Variants in RFX3 observed in about 807,000 individuals in gnomAD.
RFX3 encodes transcription factor RFX3.
Under a neutral mutation model 98.6 loss-of-function variants are expected in RFX3, and 14 were observed. The observed-to-expected ratio is 0.14, with a 90% CI of 0.09 to 0.22. The LOEUF (loss-of-function observed/expected upper bound fraction) is 0.22, where lower values mean the gene tolerates loss of function less well. Among genes scored for constraint, RFX3 ranks in the 10% least tolerant of loss-of-function variants. The probability of loss-of-function intolerance (pLI) is 1.00; values close to 1 mark genes in which losing one functional copy is unlikely to be tolerated. For synonymous variants in RFX3, 383 were observed against 328.4 expected, an observed-to-expected ratio of 1.17 and a Z score of -1.80; for missense variants, 639 against 926.9, an observed-to-expected ratio of 0.69 and a Z score of 4.03.
chr9:3,274,592 C>T (rs1471519110), intron 9 of RFX3, among the ~76,000 whole-genome samples: 2 of 151,970 alleles, frequency 1.3e-5, no homozygotes, highest in Non-Finnish European at 2.9e-5. Context: ...CAAAAGGAAC[C>T]CTAATTAACC....
At chr9:3,340,440 A>G (rs1278742702) in intron 3 of RFX3, among the ~76,000 whole-genome samples, 1 of 152,232 alleles carries the variant, frequency 6.6e-6, no homozygotes. Context: ...GCACAGCAAA[A>G]GAAACTACCA....
intron 15 of RFX3, among the ~76,000 whole-genome samples, chr9:3,246,167 C>A (rs1820638255): frequency 6.6e-6 from 1 of 151,990 alleles, no homozygotes; most frequent in South Asian, 2.1e-4. Flanking sequence ...TTCCTATAAA[C>A]TGAGTAAGCA....
intron 3 of RFX3, among the ~76,000 whole-genome samples, chr9:3,332,120 T>G (rs1832669485): frequency 1.3e-5 from 2 of 152,202 alleles, no homozygotes; most frequent in Non-Finnish European, 2.9e-5. Context: ...CCAATTCTCT[T>G]TTCCATTATC....
At chr9:3,498,453 G>A (rs904698716) in intron 1 of RFX3, among the ~76,000 whole-genome samples, 2 of 151,796 alleles carry the variant, frequency 1.3e-5, no homozygotes, top group South Asian at 4.2e-4. Context: ...TGAAACAGAG[G>A]GCCACAGCAA....
intron 3 of RFX3, among the ~76,000 whole-genome samples, chr9:3,345,623 C>A (rs2991321): frequency 0.32 from 48,858 of 151,966 alleles, 11,573 homozygotes; most frequent in African/African-American, 0.67. Context: ...TTCTCCTTCC[C>A]CTTCCATGGT....
chr9:3,425,125 C>A (rs1169721535), intron 1 of RFX3, among the ~76,000 whole-genome samples: 1 of 152,174 alleles, frequency 6.6e-6, no homozygotes, highest in Non-Finnish European at 1.5e-5. Flanking sequence ...GTGGTCCCAG[C>A]TACTTGGGAG....
chr9:3,306,612 AG>A (rs1829348388), intron 4 of RFX3, among the ~76,000 whole-genome samples: 1 of 48,564 alleles, frequency 2.1e-5, no homozygotes. Flanking sequence ...GGGTGGGGGG[AG>A]GGGGGAGGGA....
chr9:3,385,888 T>TG (rs1839664961), intron 2 of RFX3, among the ~76,000 whole-genome samples: 1 of 152,104 alleles, frequency 6.6e-6, no homozygotes, highest in African/African-American at 2.4e-5. Context: ...CCTATCACAA[T>TG]GCCACACTTG....
intron 7 of RFX3, among the ~76,000 whole-genome samples, chr9:3,280,274 A>G (rs931341586): frequency 6.6e-5 from 10 of 151,848 alleles, no homozygotes; most frequent in Admixed American, 1.3e-4. Flanking sequence ...TCAAGATGGT[A>G]ATATGGAATA....
chr9:3,464,427 T>A (rs976064439), intron 1 of RFX3, among the ~76,000 whole-genome samples: 1 of 152,182 alleles, frequency 6.6e-6, no homozygotes, highest in Non-Finnish European at 1.5e-5. Context: ...AATTGCGGTA[T>A]AGCCACACAG....
chr9:3,397,270 G>A (rs563768611), intron 1 of RFX3, among the ~76,000 whole-genome samples: 1 of 152,296 alleles, frequency 6.6e-6, no homozygotes, highest in South Asian at 2.1e-4. Flanking sequence ...ATTGAGCAAA[G>A]ACCAGATTTC....
At chr9:3,262,762 A>G (rs1368486459) in intron 13 of RFX3, among the ~76,000 whole-genome samples, 173 bp downstream of exon 13, 1 of 152,232 alleles carries the variant, frequency 6.6e-6, no homozygotes, top group Non-Finnish European at 1.5e-5. Context: ...TTAACCACAA[A>G]CATGGGAGCA....
At chr9:3,373,999 A>G (rs1200976908) in intron 2 of RFX3, among the ~76,000 whole-genome samples, 1 of 151,838 alleles carries the variant, frequency 6.6e-6, no homozygotes, top group African/African-American at 2.4e-5. Context: ...AATCGCTTGA[A>G]CCCGAGAGGC....
intron 7 of RFX3, among the ~76,000 whole-genome samples, chr9:3,286,115 T>G (rs1024951191): frequency 2.0e-5 from 3 of 151,872 alleles, no homozygotes; most frequent in Non-Finnish European, 2.9e-5. Context: ...TGAGTATATG[T>G]TATTTCTGAA....
intron 1 of RFX3, among the ~76,000 whole-genome samples, chr9:3,469,412 C>T (rs1408971989): frequency 6.6e-6 from 1 of 151,892 alleles, no homozygotes; most frequent in Non-Finnish European, 1.5e-5. Flanking sequence ...CCAGGACACC[C>T]AATAAGGATG....
At chr9:3,372,829 G>A (rs539798872) in intron 2 of RFX3, among the ~76,000 whole-genome samples, 5 of 151,960 alleles carry the variant, frequency 3.3e-5, no homozygotes, top group East Asian at 1.9e-4. Context: ...CAAGTGATCC[G>A]CCCAACTTGG....
Position 3,525,779 on chromosome 9 carries a change from G to T in RFX3, c.-41C>A. On this transcript the variant is annotated 5_prime_UTR_variant, in exon 1 of 17. Transcript: ENST00000617270. ...GTGGATTATTGTGGTGTTGTTGGTG[G>T]GTGATGGAGATGGTGGTGGTGGGGA... The T allele has an allele frequency of 2.2e-6, 1 of 464,986 alleles. No homozygotes were observed. Among genetic ancestry groups the T allele is most frequent in the Non-Finnish European group, 2.8e-6 (1 of 353,734 alleles). 28.8% of individuals were successfully genotyped at this position (464,986 alleles called of 1,614,324 possible).
intron 1 of RFX3, among the ~76,000 whole-genome samples, chr9:3,436,396 T>G (rs1481876329): frequency 3.3e-5 from 5 of 152,102 alleles, no homozygotes; most frequent in African/African-American, 1.2e-4. Context: ...GGAAAAATTT[T>G]GAGTGATCTT....
chr9:3,325,261 C>G (rs1475151051), intron 4 of RFX3, among the ~76,000 whole-genome samples: 1 of 151,980 alleles, frequency 6.6e-6, no homozygotes, highest in Non-Finnish European at 1.5e-5. Flanking sequence ...CATAAACATG[C>G]CAAACCAAGA....
Sources: allele counts gnomAD v4.1 joint callset (sites outside exome capture counted in the v4.1 genomes callset), GRCh38; gene constraint gnomAD v4.1.1; transcripts MANE v1.5; gene names NCBI Gene and HGNC (gene_info 2026-07-23, HGNC 2026-07-21).